The following ASXL3 variants were observed in gnomAD, a reference collection of about 807,000 sequenced individuals.
ASXL3 encodes the protein putative Polycomb group protein ASXL3.
A neutral mutation model predicts 170.6 loss-of-function variants in ASXL3; 34 were observed. The observed-to-expected ratio is 0.20, with a 90% CI of 0.15 to 0.27. The LOEUF is 0.27. Among genes scored for constraint, ASXL3 ranks in the 10% least tolerant of loss-of-function variants. ASXL3 has a pLI of 1.00. For missense variants in ASXL3, 2,592 were observed against 2,695.3 expected, an observed-to-expected ratio of 0.96 and a Z score of 0.85; for synonymous variants, 1,002 against 989.1, an observed-to-expected ratio of 1.01 and a Z score of -0.24.
chr18:33,732,138 A>AT (rs2067459964), intron 9 of ASXL3, 74 bp downstream of exon 9: 1 of 1,231,446 alleles, frequency 8.1e-7, no homozygotes, highest in Non-Finnish European at 1.1e-6. Flanking sequence ...CCTTTCTCTG[A>AT]TTTTTCAGTC....
At chr18:33,582,247 A>G (rs951957560) in intron 1 of ASXL3, among the ~76,000 whole-genome samples, 8 of 152,176 alleles carry the variant, frequency 5.3e-5, no homozygotes, top group African/African-American at 1.9e-4. Flanking sequence ...TTTTATCTCA[A>G]GTCTTCATTC....
At chr18:33,607,741 C>T (rs1322375569) in intron 2 of ASXL3, 65 bp downstream of exon 2, 35 of 1,216,044 alleles carry the variant, frequency 2.9e-5, no homozygotes, top group East Asian at 7.7e-5. Flanking sequence ...CGTTGCTAAG[C>T]GATAGGTGTA....
intron 8 of ASXL3, among the ~76,000 whole-genome samples, chr18:33,697,897 C>T (rs930314335): frequency 6.6e-6 from 1 of 152,084 alleles, no homozygotes; most frequent in Admixed American, 6.6e-5. Context: ...AATTTTCTCT[C>T]TATGATACTC....
chr18:33,626,258 T>C (rs755436013), intron 2 of ASXL3, among the ~76,000 whole-genome samples: 3 of 152,196 alleles, frequency 2.0e-5, no homozygotes, highest in Non-Finnish European at 4.4e-5. Context: ...TGATAGCTAT[T>C]GTAGCTCCAT....
intron 1 of ASXL3, among the ~76,000 whole-genome samples, chr18:33,595,237 A>G (rs959196772): frequency 3.3e-5 from 5 of 152,078 alleles, no homozygotes; most frequent in African/African-American, 9.7e-5. Flanking sequence ...TAAAATGTTT[A>G]TTTTTTTAGA....
intron 1 of ASXL3, among the ~76,000 whole-genome samples, chr18:33,588,544 A>G: frequency 6.6e-6 from 1 of 152,120 alleles, no homozygotes; most frequent in East Asian, 1.9e-4. Flanking sequence ...AGTCACCACC[A>G]TGACTCCATG....
At position 33,750,178 on chromosome 18, in the gene ASXL3, AAG is replaced by A. The variant is rs1033203335; in HGVS notation, c.*3586_*3587del. ...TCTGCGTTCCCAGAGAACAATTGTG[AAG>A]AGTCCTAGAACAGGAACTCTGAATC... On this transcript the variant is annotated 3_prime_UTR_variant, in exon 12 of 12. Coordinates refer to ENST00000269197, the MANE Select transcript of ASXL3 (RefSeq NM_030632.3). 1 of 152,232 alleles carries A rather than the reference AAG, an allele frequency of 6.6e-6. No individual in the cohort carries two copies. The highest frequency in any genetic ancestry group is 2.4e-5 in the African/African-American group (1 of 41,466). The allele number at this position is 152,232 out of a possible 1,614,324, so 9.4% of individuals were successfully genotyped here. A position where few individuals can be genotyped will look rare whatever the true frequency, so the allele number is the denominator to read the frequency against.
intron 2 of ASXL3, among the ~76,000 whole-genome samples, chr18:33,617,860 T>C (rs888835494): frequency 3.9e-5 from 6 of 152,166 alleles, no homozygotes; most frequent in African/African-American, 1.2e-4. Context: ...TCTTTCCAAG[T>C]ATCCTATGCA....
Position 33,743,313 on chromosome 18 carries a change from G to A in ASXL3, c.3465G>A (p.Ser1155=), listed in dbSNP as rs116554010. ...CCCCTGAAACAAAAATGGAAGGTTCGACTGGTGTCATTATTGTCAATCCAA... is the reference window on the plus strand; with the variant it reads ...CCCCTGAAACAAAAATGGAAGGTTCAACTGGTGTCATTATTGTCAATCCAA... ...SSTPETKMEG[S]TGVIIVNPNC... is the part of the protein sequence containing the mutation. Residue 1155 remains serine, a synonymous_variant, in exon 12 of 12, where the codon TCG becomes TCA. Coordinates refer to ENST00000269197, the MANE Select transcript of ASXL3 (RefSeq NM_030632.3). 2.6e-4 allele frequency: 415 copies of A among 1,613,816 alleles called. 1 individual carries two copies. The African/African-American group carries it at 3.9e-3, about 15-fold the overall frequency.
At position 33,745,589 on chromosome 18, in the gene ASXL3, A is replaced by G. The variant is rs1368859204; in HGVS notation, c.5741A>G (p.Asp1914Gly). The G allele has an allele frequency of 6.2e-7, 1 of 1,613,974 alleles. No individual in the cohort carries two copies. The change falls in exon 12 of 12, where the codon GAC (aspartate) becomes GGC (glycine). Residue 1914 changes from aspartate (D) to glycine (G), a missense_variant. Asp to Gly is a moderately conservative substitution (Grantham distance 94). Transcript: ENST00000269197. Reference protein sequence around the residue: ...CSFQQNLFHVDKNGGFHTDAG... With the variant: ...CSFQQNLFHVGKNGGFHTDAG... ...TTCCAGCAGAACCTATTTCATGTTGACAAGAATGGCGGCTTCCACACTGAC... is the reference window on the plus strand; with the variant it reads ...TTCCAGCAGAACCTATTTCATGTTGGCAAGAATGGCGGCTTCCACACTGAC...
At chr18:33,705,156 A>G (rs9949128) in intron 8 of ASXL3, among the ~76,000 whole-genome samples, 4 of 151,680 alleles carry the variant, frequency 2.6e-5, no homozygotes, top group African/African-American at 9.7e-5. Context: ...AGAGATTAAT[A>G]TTTTTGTTTT....
At chr18:33,616,372 A>G (rs1053449540) in intron 2 of ASXL3, among the ~76,000 whole-genome samples, 2 of 150,792 alleles carry the variant, frequency 1.3e-5, no homozygotes, top group African/African-American at 4.9e-5. Flanking sequence ...GAGCCCCACA[A>G]GAAATTCAAG....
chr18:33,584,345 G>T (rs906993350), intron 1 of ASXL3, among the ~76,000 whole-genome samples: 3 of 152,130 alleles, frequency 2.0e-5, no homozygotes, highest in Non-Finnish European at 4.4e-5. Flanking sequence ...TTCATATTCA[G>T]TGAGTTTTAC....
At chr18:33,681,763 CTG>C (rs1273900174) in intron 7 of ASXL3, among the ~76,000 whole-genome samples, 4 of 151,644 alleles carry the variant, frequency 2.6e-5, no homozygotes, top group Admixed American at 1.3e-4. Context: ...TCTCTGCAAT[CTG>C]TGTTTTTTTT....
intron 2 of ASXL3, among the ~76,000 whole-genome samples, chr18:33,613,262 G>C (rs1599395873): frequency 6.6e-6 from 1 of 152,124 alleles, no homozygotes; most frequent in East Asian, 1.9e-4. Context: ...CTTTCTTTCT[G>C]TGTACCATAC....
rs75740578 is a variant in ASXL3 at position 33,743,777 on chromosome 18, A to C, written c.3929A>C (p.Glu1310Ala). 1.2e-3 allele frequency: 1,942 copies of C among 1,614,004 alleles called. 48 individuals are homozygous for C. The East Asian group carries it at 0.039, about 32-fold the overall frequency. ...IESTPISATT[E>A]GSSISSSMDD... ...AGCACTCCCATTTCAGCCACTACAG[A>C]GGGCTCCAGCATATCAAGCTCCATG... The change falls in exon 12 of 12, where the codon GAG becomes GCG. Residue 1310 changes from glutamate (E) to alanine (A), a missense_variant. Glu to Ala is a moderately radical substitution (Grantham distance 107). Around this residue, in one of 4 missense-constraint regions of ASXL3, gnomAD observed 2,246 missense variants for 2,219.6 expected, o/e 1.01. Transcript: ENST00000269197.
chr18:33,676,037 A>C (rs1224750532), intron 7 of ASXL3, among the ~76,000 whole-genome samples: 2 of 151,768 alleles, frequency 1.3e-5, no homozygotes, highest in Non-Finnish European at 2.9e-5. Context: ...ATCCTGGCTA[A>C]CACAGTGAAA....
rs182163904 is a variant in ASXL3, at chr18:33,713,730, T to C, written c.880-18238T>C. On this transcript the variant is annotated intron_variant, in intron 8 of 11. Transcript: ENST00000269197. The stretch of plus-strand genomic sequence containing the variant: ...GCATGTATACATCACCTGACCATGA[T>C]TGCAAGAGCTGCAGTTAGAGACTGA... 5.6e-3 allele frequency among the ~76,000 whole-genome samples: 860 copies of C among 152,334 alleles called. 4 individuals are homozygous for C. The highest frequency in any genetic ancestry group is 9.7e-3 in the Non-Finnish European group (663 of 68,032).
rs568221465 is a variant in ASXL3, at chr18:33,676,222, C to CAAAAAAAAAAAAAAAA, written c.715+4366_715+4381dup. 9.6e-3 allele frequency among the ~76,000 whole-genome samples: 399 copies of CAAAAAAAAAAAAAAAA among 41,696 alleles called. 62 individuals carry two copies. The highest frequency in any genetic ancestry group is 0.031 in the Admixed American group (94 of 3,010). The allele number at this position is 41,696 out of a possible 152,430, so 27.4% of individuals were successfully genotyped here. ...CTGGGTGACGAGCGAGACTCCGTCTCAAAAAAAAAAAAAAAAAAAAAAAAA... is the reference window on the plus strand; with the variant it reads ...CTGGGTGACGAGCGAGACTCCGTCTCAAAAAAAAAAAAAAAAAAAAAAAAAAAAAAAAAAAAAAAAA... On this transcript the variant is annotated intron_variant, in intron 7 of 11. Transcript: ENST00000269197.
Sources: gnomAD v4.1 joint callset for allele counts (sites outside exome capture counted in the v4.1 genomes callset) on GRCh38, gnomAD v4.1.1 for gene constraint, gnomAD v4.1.1 regional missense constraint, MANE v1.5 for transcripts, NCBI Gene and HGNC (gene_info 2026-07-23, HGNC 2026-07-21) for gene names.